The following AHI1 variants were observed in gnomAD, a reference collection of about 807,000 sequenced individuals.
AHI1 encodes Abelson helper integration site 1.
Under a neutral mutation model 149.3 loss-of-function variants are expected in AHI1, and 123 were observed. That is an observed-to-expected ratio of 0.82 (90% CI 0.71 to 0.96). The LOEUF is 0.96. AHI1 is among the 40% of genes least tolerant of loss of function. The pLI is 0.00. For missense variants in AHI1, 1,439 were observed against 1,422.7 expected (o/e 1.01, Z -0.18); for synonymous variants, 475 against 459.8 (o/e 1.03, Z -0.42).
At chr6:135,297,286 G>T in intron 27 of AHI1, 3 of 352,388 alleles carry the variant, frequency 8.5e-6, no homozygotes, top group Admixed American at 3.8e-5. Flanking sequence ...TTCTCCCACT[G>T]CAATTCCCCA....
chr6:135,457,248 A>G lies in AHI1; in HGVS notation c.1151+246T>C, dbSNP rs112639888. On this transcript the variant is annotated intron_variant, in intron 9 of 28. Coordinates refer to ENST00000265602, the MANE Select transcript of AHI1 (RefSeq NM_001134831.2). ...GCAGTGAGCCAAGATTGAGCACTGC[A>G]TTCCAGCCTGGGCGACAAAGCGAGA... 0.011 allele frequency among the ~76,000 whole-genome samples: 1,715 copies of G among 152,342 alleles called. 21 individuals are homozygous for G. The highest frequency in any genetic ancestry group is 0.016 in the Non-Finnish European group (1,091 of 68,026).
At chr6:135,492,549 A>G in intron 3 of AHI1, 1 of 982,536 alleles carries the variant, frequency 1.0e-6, no homozygotes, top group Non-Finnish European at 1.2e-6. Context: ...AAACATTTTG[A>G]AGGCAGTGCA....
intron 4 of AHI1, among the ~76,000 whole-genome samples, chr6:135,491,426 T>G (rs1795230717): frequency 6.6e-6 from 1 of 152,172 alleles, no homozygotes; most frequent in African/African-American, 2.4e-5. Context: ...TGAGGCAAGC[T>G]TCCTCTAATT....
At chr6:135,319,831 G>C (rs921765178) in intron 25 of AHI1, among the ~76,000 whole-genome samples, 1 of 152,166 alleles carries the variant, frequency 6.6e-6, no homozygotes, top group Non-Finnish European at 1.5e-5. Context: ...AGATGTGATG[G>C]GGGAAGCTGA....
intron 23 of AHI1, chr6:135,394,530 T>C: frequency 4.4e-6 from 2 of 453,208 alleles, no homozygotes; most frequent in Non-Finnish European, 8.0e-6. Context: ...AACTCACGTG[T>C]TTTGCTAGTT....
rs1779002936 is a variant in AHI1, at chr6:135,394,836, T to C, written c.3049A>G (p.Lys1017Glu). The part of the protein sequence containing the change: ...PAVSSQQSKL[K>E]QSNMLTAQEI... ...TGAGCGGTCAGCATGTTTGACTGCT[T>C]TAACTTAGACTGTTGTGAGGAAACT... is the stretch of plus-strand genomic sequence containing the variant. The change falls in exon 23 of 29, where the codon AAG becomes GAG. Residue 1017 changes from lysine (K) to glutamate (E), a missense_variant. By Grantham distance (56) the Lys-to-Glu change is moderately conservative. Transcript: ENST00000265602. The C allele has an allele frequency of 2.5e-6, 4 of 1,607,770 alleles. No individual in the cohort carries two copies. The highest frequency in any genetic ancestry group is 3.4e-6 in the Non-Finnish European group (4 of 1,176,702).
At chr6:135,299,514 CA>C (rs1783583805) in intron 27 of AHI1, among the ~76,000 whole-genome samples, 1 of 151,994 alleles carries the variant, frequency 6.6e-6, no homozygotes, top group South Asian at 2.1e-4. Flanking sequence ...CTAAGCTGTT[CA>C]ATGCTGTCAC....
At chr6:135,428,352 A>G (rs1436359309) in intron 19 of AHI1, among the ~76,000 whole-genome samples, 2 of 151,658 alleles carry the variant, frequency 1.3e-5, no homozygotes, top group African/African-American at 4.8e-5. Context: ...CTTTTCTAAG[A>G]TCAGCAATGT....
intron 23 of AHI1, chr6:135,388,026 G>A (rs1226868524): frequency 2.5e-6 from 4 of 1,613,630 alleles, no homozygotes; most frequent in Middle Eastern, 1.6e-4. Flanking sequence ...ATTCAGCAAA[G>A]TGACTGTCTG....
chr6:135,458,706 T>C (rs1000901010), intron 8 of AHI1, among the ~76,000 whole-genome samples: 2 of 152,152 alleles, frequency 1.3e-5, no homozygotes. Flanking sequence ...GCTTGGGGGC[T>C]ACAGTGACAA....
chr6:135,451,819 A>C (rs1192081296), intron 11 of AHI1, among the ~76,000 whole-genome samples: 3 of 151,880 alleles, frequency 2.0e-5, no homozygotes, highest in Non-Finnish European at 4.4e-5. Context: ...GGCACTGTTT[A>C]CTATGTGAAA....
intron 22 of AHI1, among the ~76,000 whole-genome samples, chr6:135,400,812 A>T (rs149162127): frequency 6.6e-6 from 1 of 152,124 alleles, no homozygotes; most frequent in Non-Finnish European, 1.5e-5. Context: ...ATCCCCCTAC[A>T]TGCATCTTTT....
intron 23 of AHI1, among the ~76,000 whole-genome samples, chr6:135,369,138 A>C (rs1582865420): frequency 6.6e-6 from 1 of 152,154 alleles, no homozygotes; most frequent in East Asian, 1.9e-4. Context: ...TCGGCTCTCT[A>C]AATTTGTCTC....
chr6:135,413,327 AT>A (rs1200877350), intron 20 of AHI1, among the ~76,000 whole-genome samples: 5 of 152,210 alleles, frequency 3.3e-5, no homozygotes, highest in Non-Finnish European at 7.3e-5. Flanking sequence ...TTTAAATCAT[AT>A]TTAAGACTTA....
intron 19 of AHI1, 69 bp downstream of exon 19, chr6:135,428,560 T>A: frequency 1.4e-6 from 2 of 1,422,274 alleles, no homozygotes; most frequent in East Asian, 5.0e-5. Context: ...CATAAAATGG[T>A]AGAATTTTCA....
intron 7 of AHI1, 137 bp from the exon 8 acceptor site, chr6:135,463,443 G>A (rs1562233526): frequency 1.5e-6 from 1 of 679,338 alleles, no homozygotes; most frequent in Non-Finnish European, 2.2e-6. Context: ...AGAGATGCAT[G>A]TATTTTCTTA....
At chr6:135,286,130 G>C (rs1781655441) in intron 28 of AHI1, among the ~76,000 whole-genome samples, 1 of 152,106 alleles carries the variant, frequency 6.6e-6, no homozygotes, top group Non-Finnish European at 1.5e-5. Context: ...TATATAATTA[G>C]GTTATTACAT....
chr6:135,373,546 T>G lies in AHI1; in HGVS notation c.3110-15359A>C, dbSNP rs10080388. ...GTCTAGAGAAGATAATAAAAGAAATTTTATGTTTCTTGGGAGACACTTTTA... is the reference window on the plus strand; with the variant it reads ...GTCTAGAGAAGATAATAAAAGAAATGTTATGTTTCTTGGGAGACACTTTTA... On this transcript the variant is annotated intron_variant, in intron 23 of 28. Coordinates refer to ENST00000265602, the MANE Select transcript of AHI1 (RefSeq NM_001134831.2). Among the ~76,000 whole-genome samples, 1,202 of 152,284 alleles carry G rather than the reference T, an allele frequency of 7.9e-3. 20 individuals are homozygous for G. The highest frequency in any genetic ancestry group is 0.026 in the African/African-American group (1,063 of 41,542).
chr6:135,392,788 A>C (rs983705233), intron 23 of AHI1, among the ~76,000 whole-genome samples: 1 of 152,186 alleles, frequency 6.6e-6, no homozygotes, highest in African/African-American at 2.4e-5. Context: ...GGGATGAGAA[A>C]ACTCTGGCCT....
Sources: gnomAD v4.1 joint callset for allele counts (sites outside exome capture counted in the v4.1 genomes callset) on GRCh38, gnomAD v4.1.1 for gene constraint, MANE v1.5 for transcripts, NCBI Gene and HGNC (gene_info 2026-07-23, HGNC 2026-07-21) for gene names.